Variants in ATP2B1 observed in about 807,000 individuals in gnomAD.
The protein encoded by ATP2B1 is ATPase plasma membrane Ca2+ transporting 1.
ATP2B1 carries 14 observed loss-of-function variants against 124.2 expected under a neutral mutation model. The observed-to-expected ratio is 0.11, with a 90% CI of 0.07 to 0.18. The LOEUF (loss-of-function observed/expected upper bound fraction) is 0.18. Ranked by LOEUF, ATP2B1 falls within the 10% of genes least tolerant of loss-of-function variation. The pLI is 1.00. For missense variants in ATP2B1, 763 were observed against 1,466.1 expected (o/e 0.52, Z 7.83); for synonymous variants, 449 against 492.4 (o/e 0.91, Z 1.17).
chr12:89,693,735 G>A (rs901940110), intron 1 of ATP2B1, among the ~76,000 whole-genome samples: 1 of 152,152 alleles, frequency 6.6e-6, no homozygotes, highest in South Asian at 2.1e-4. Context: ...TGGCAAACCA[G>A]TTATCAAAAT....
In ATP2B1 at chr12:89,590,106, A is replaced by G. The variant is rs1201600254; in HGVS notation, c.*878T>C. ...TCAAGCATCTTTCATTATGTAGTTG[A>G]TGTCCTGCATTAAACAATCTACTAA... On this transcript the variant is annotated 3_prime_UTR_variant, in exon 21 of 21. Transcript: ENST00000428670. 1 of 152,578 alleles carries G rather than the reference A, an allele frequency of 6.6e-6. No homozygotes were observed. The highest frequency in any genetic ancestry group is 1.5e-5 in the Non-Finnish European group (1 of 67,996). 9.5% of individuals were successfully genotyped at this position (152,578 alleles called of 1,614,324 possible).
intron 20 of ATP2B1, chr12:89,598,676 A>T: frequency 1.2e-6 from 2 of 1,614,060 alleles, no homozygotes; most frequent in Non-Finnish European, 1.7e-6. Flanking sequence ...CTGGCTGGCG[A>T]TGGAGGGTTG....
intron 7 of ATP2B1, 117 bp from the exon 8 acceptor site, chr12:89,626,732 C>A: frequency 8.2e-7 from 1 of 1,220,834 alleles, no homozygotes; most frequent in Non-Finnish European, 1.1e-6. Context: ...TATAAGCATT[C>A]AGCTTTGTGA....
chr12:89,662,674 T>C, intron 1 of ATP2B1, among the ~76,000 whole-genome samples: 1 of 152,184 alleles, frequency 6.6e-6, no homozygotes, highest in East Asian at 1.9e-4. Flanking sequence ...ATAGAGCTGA[T>C]AAAGCAGAAA....
At chr12:89,666,371 C>T (rs1332562529) in intron 1 of ATP2B1, among the ~76,000 whole-genome samples, 2 of 152,112 alleles carry the variant, frequency 1.3e-5, no homozygotes, top group African/African-American at 4.8e-5. Context: ...GCTATTCAAG[C>T]GGAGGGCCAC....
chr12:89,602,853 T>C (rs868001581), intron 18 of ATP2B1, among the ~76,000 whole-genome samples, 190 bp downstream of exon 18: 2 of 152,212 alleles, frequency 1.3e-5, no homozygotes, highest in African/African-American at 4.8e-5. Flanking sequence ...GGTTGTGGCA[T>C]TTACTTCTAA....
intron 1 of ATP2B1, among the ~76,000 whole-genome samples, chr12:89,705,864 A>C (rs979296264): frequency 5.9e-5 from 9 of 152,166 alleles, no homozygotes; most frequent in African/African-American, 2.2e-4. Flanking sequence ...AATGCTTTAC[A>C]TTGTCTATAG....
Position 89,660,684 on chromosome 12 carries a change from T to G in ATP2B1, c.-221-4577A>C, listed in dbSNP as rs12303930. Among the ~76,000 whole-genome samples the G allele has an allele frequency of 8.0e-3, 1,222 of 152,308 alleles. 14 individuals are homozygous for G. Among genetic ancestry groups the G allele is most frequent in the African/African-American group, 0.028 (1,169 of 41,554 alleles). On this transcript the variant is annotated intron_variant, in intron 1 of 20. Coordinates refer to ENST00000428670, the MANE Select transcript of ATP2B1 (RefSeq NM_001366521.1). ...AACAGTACACATCTTATTAAATGTG[T>G]AAATACATGTAAACCCTTTGAACTT...
chr12:89,639,638 A>G (rs1325797350), intron 3 of ATP2B1, among the ~76,000 whole-genome samples: 1 of 151,618 alleles, frequency 6.6e-6, no homozygotes, highest in African/African-American at 2.4e-5. Flanking sequence ...GGAGCAAAAA[A>G]ATCTTTATAT....
intron 1 of ATP2B1, among the ~76,000 whole-genome samples, chr12:89,668,220 T>G (rs1475461889): frequency 1.3e-5 from 2 of 152,172 alleles, no homozygotes; most frequent in African/African-American, 4.8e-5. Flanking sequence ...TCTTCTCAAA[T>G]ACAACTTAAG....
chr12:89,632,217 A>T (rs1041167233), intron 5 of ATP2B1, among the ~76,000 whole-genome samples: 1 of 152,126 alleles, frequency 6.6e-6, no homozygotes, highest in African/African-American at 2.4e-5. Flanking sequence ...CAGTGAACAT[A>T]GCATCTACCA....
chr12:89,611,884 G>GT (rs1878087475), intron 12 of ATP2B1: 1 of 152,246 alleles, frequency 6.6e-6, no homozygotes. Flanking sequence ...CTACCTCACT[G>GT]TAAGAGGAGA....
intron 1 of ATP2B1, among the ~76,000 whole-genome samples, chr12:89,684,471 T>C (rs1010502900): frequency 6.6e-6 from 1 of 152,140 alleles, no homozygotes; most frequent in Non-Finnish European, 1.5e-5. Context: ...TATGAACTCA[T>C]GTTTCATATA....
intron 1 of ATP2B1, among the ~76,000 whole-genome samples, chr12:89,688,998 T>C (rs563521751): frequency 2.6e-5 from 4 of 152,248 alleles, no homozygotes; most frequent in African/African-American, 7.2e-5. Flanking sequence ...AGATTCATTA[T>C]CAAATTCTCT....
chr12:89,644,574 C>T (rs1955322017), intron 2 of ATP2B1, among the ~76,000 whole-genome samples: 1 of 151,138 alleles, frequency 6.6e-6, no homozygotes, highest in African/African-American at 2.4e-5. Flanking sequence ...CAGTTGAAAG[C>T]TTCCAAAGAG....
chr12:89,608,343 T>C (rs986804234), intron 15 of ATP2B1, among the ~76,000 whole-genome samples: 3 of 152,012 alleles, frequency 2.0e-5, no homozygotes, highest in Admixed American at 6.6e-5. Context: ...AATTTTTGTA[T>C]GTTTTTTTTT....
intron 1 of ATP2B1, among the ~76,000 whole-genome samples, chr12:89,663,165 C>A (rs1436722098): frequency 2.6e-5 from 4 of 152,154 alleles, no homozygotes; most frequent in African/African-American, 9.7e-5. Flanking sequence ...AACAAAACTT[C>A]CTAACACTGT....
At position 89,603,641 on chromosome 12, in the gene ATP2B1, T is replaced by A. The variant is rs1346451611; in HGVS notation, c.2848+71A>T. 6.7e-7 allele frequency: 1 copy of A among 1,492,186 alleles called. No individual in the cohort carries two copies. The highest frequency in any genetic ancestry group is 9.3e-7 in the Non-Finnish European group (1 of 1,080,314). The allele number at this position is 1,492,186 out of a possible 1,614,324, so 92.4% of individuals were successfully genotyped here. A position where few individuals can be genotyped will look rare whatever the true frequency, so the allele number is the denominator to read the frequency against. On this transcript the variant is annotated intron_variant, in intron 17 of 20. Transcript: ENST00000428670. The surrounding 1 kb of genome is among the most constrained non-coding windows in gnomAD (Gnocchi z 4.3). ...TTAGGCTCTTGAAAATTTGTAACAT[T>A]ATAACATCTTGGATGATTAGCTTGG...
intron 1 of ATP2B1, among the ~76,000 whole-genome samples, chr12:89,683,225 A>G (rs1305228795): frequency 6.6e-6 from 1 of 152,236 alleles, no homozygotes; most frequent in Non-Finnish European, 1.5e-5. Flanking sequence ...GTAAAATGTC[A>G]TATGGCAATT....
Sources: allele counts gnomAD v4.1 joint callset (sites outside exome capture counted in the v4.1 genomes callset), GRCh38; gene constraint gnomAD v4.1.1; non-coding constraint Gnocchi (gnomAD v3.1); transcripts MANE v1.5; gene names NCBI Gene and HGNC (gene_info 2026-07-23, HGNC 2026-07-21).